The following CTU2 variants were observed in gnomAD, a reference collection of about 807,000 sequenced individuals.
CTU2 encodes the protein cytosolic thiouridylase subunit 2.
In CTU2, 80 loss-of-function variants were observed where a neutral mutation model predicts 64.1. The ratio of observed to expected loss-of-function variants is 1.25; its 90% CI spans 1.04 to 1.50. CTU2 has a LOEUF of 1.50. Ranked by LOEUF, CTU2 falls within the 40% of genes most tolerant of loss-of-function variation. The pLI is 0.00. For synonymous variants in CTU2, 482 were observed against 285.3 expected (o/e 1.69, Z -6.95); for missense variants, 1,110 against 690.2 (o/e 1.61, Z -6.81).
In CTU2 at chr16:88,712,393, C is replaced by A; in HGVS notation, c.453+10C>A. 6.3e-7 allele frequency: 1 copy of A among 1,589,246 alleles called. No individual in the cohort carries two copies. On this transcript the variant is annotated intron_variant, in intron 6 of 14. Coordinates refer to ENST00000453996, the MANE Select transcript of CTU2 (RefSeq NM_001012759.3). ...GGTGGCCTTAGAGGAGGTGGGAGGG[C>A]TGTCCCTGGAAAGGGGTCCCGGAGG...
intron 4 of CTU2, 197 bp downstream of exon 4, chr16:88,710,479 G>A: frequency 1.7e-6 from 1 of 590,962 alleles, no homozygotes; most frequent in South Asian, 2.1e-5. Context: ...TGTGTGTGCG[G>A]CCCACTCTCA....
Position 88,710,017 on chromosome 16 carries a change from G to A in CTU2, c.222+1G>A. On this transcript the variant is annotated splice_donor_variant, in intron 3 of 14. Transcript: ENST00000453996. LOFTEE classifies it high-confidence loss of function. ...CCGGCTCATCTTTCCAGGCGAGAAG[G>A]TAGCGTCTGGGTCCTGGGGGTCTGA... 1 of 1,613,834 alleles carries A rather than the reference G, an allele frequency of 6.2e-7. No homozygotes were observed. Among genetic ancestry groups the A allele is most frequent in the Non-Finnish European group, 8.5e-7 (1 of 1,179,946 alleles).
At chr16:88,709,751 C>T in intron 2 of CTU2, 187 bp from the exon 3 acceptor site, 1 of 612,152 alleles carries the variant, frequency 1.6e-6, no homozygotes, top group Admixed American at 2.9e-5. Flanking sequence ...TCGTGTTCAC[C>T]CTGAGGAAGC....
chr16:88,714,140 C>T lies in CTU2; in HGVS notation c.1010C>T (p.Pro337Leu), dbSNP rs779893329. ...VFTPAVDTKA[P>L]EKASIHRLME... ...CTCCAATCTGATTGTCCCTAGGCCC[C>T]TGAAAAGGCCAGCATCCACCGGCTG... The change falls in exon 10 of 15, where the codon CCT becomes CTT. Residue 337 changes from proline (P) to leucine (L), a missense_variant. Coordinates refer to ENST00000453996, the MANE Select transcript of CTU2 (RefSeq NM_001012759.3). The T allele has an allele frequency of 6.2e-7, 1 of 1,612,626 alleles. No individual in the cohort carries two copies. The highest frequency in any genetic ancestry group is 1.1e-5 in the South Asian group (1 of 91,078).
rs543146494 is a variant in CTU2, at chr16:88,707,530, T to C, written c.143+320T>C. On this transcript the variant is annotated intron_variant, in intron 2 of 14. Coordinates refer to ENST00000453996, the MANE Select transcript of CTU2 (RefSeq NM_001012759.3). ...ACCAGGCGTTTGGGGGCAGCTGGAATACATCTAGGGGCGGATCAGAGCATC... is the reference window on the plus strand; with the variant it reads ...ACCAGGCGTTTGGGGGCAGCTGGAACACATCTAGGGGCGGATCAGAGCATC... Among the ~76,000 whole-genome samples the C allele has an allele frequency of 2.0e-5, 3 of 152,164 alleles. No homozygotes were observed. In the East Asian group the frequency reaches 5.8e-4, roughly 29 times the overall value.
In CTU2 at chr16:88,714,906, C is replaced by T. The variant is rs139862860; in HGVS notation, c.1399C>T (p.Arg467Cys). 1.0e-3 allele frequency: 1,633 copies of T among 1,612,632 alleles called. 2 individuals carry two copies. The highest frequency in any genetic ancestry group is 3.0e-3 in the Middle Eastern group (18 of 6,048). Residue 467 changes from arginine to cysteine, a missense_variant, in exon 13 of 15, where the codon CGC (arginine) becomes TGC (cysteine). Physicochemically the swap from Arg to Cys is radical, Grantham distance 180. Coordinates refer to ENST00000453996, the MANE Select transcript of CTU2 (RefSeq NM_001012759.3). ...CIEEQLCYSC[R>C]VNMKDLPSLD... ...TGAGGAGCAGCTGTGCTACAGCTGC[C>T]GCGTGAACATGAAGGACTTGGTGAG... is the stretch of plus-strand genomic sequence containing the variant.
At chr16:88,706,979 G>T in intron 1 of CTU2, 157 bp from the exon 2 acceptor site, 2 of 710,276 alleles carry the variant, frequency 2.8e-6, no homozygotes, top group Non-Finnish European at 2.4e-6. Context: ...TTTTCTTGAA[G>T]TTTGGACAGA....
intron 6 of CTU2, 71 bp downstream of exon 6, chr16:88,712,454 C>T: frequency 6.9e-7 from 1 of 1,459,848 alleles, no homozygotes; most frequent in Non-Finnish European, 9.3e-7. Flanking sequence ...GTCCCAGCCT[C>T]ACTGGCCTCT....
rs1006762616 is a variant in CTU2 at position 88,706,537 on chromosome 16, C to G, written c.7C>G (p.Gln3Glu). ...GACGGGACCCGGCGTGCCCATGTGT[C>G]AGGTGGGCGAGGACTACGGGGAGCC... MC[Q>E]VGEDYGEPAP... Residue 3 changes from glutamine to glutamate, a missense_variant, in exon 1 of 15, where the codon CAG (glutamine) becomes GAG (glutamate). Coordinates refer to ENST00000453996, the MANE Select transcript of CTU2 (RefSeq NM_001012759.3). 5 of 1,456,406 alleles carry G rather than the reference C, an allele frequency of 3.4e-6. No individual in the cohort carries two copies. The East Asian group carries it at 1.2e-4, about 35-fold the overall frequency. The allele number at this position is 1,456,406 out of a possible 1,614,324, so 90.2% of individuals were successfully genotyped here.
chr16:88,715,382 AAAAAC>A lies in CTU2; in HGVS notation c.*132_*136del. The A allele has an allele frequency of 8.7e-7, 1 of 1,151,496 alleles. No homozygotes were observed. Among genetic ancestry groups the A allele is most frequent in the Non-Finnish European group, 1.2e-6 (1 of 831,352 alleles). 71.3% of individuals were successfully genotyped at this position (1,151,496 alleles called of 1,614,324 possible). ...AAATAAAACATTTTTTAATTAAAAAAAAAACTCTACAGTACACGTGGGGGACGGCA... is the reference window on the plus strand; with the variant it reads ...AAATAAAACATTTTTTAATTAAAAAATCTACAGTACACGTGGGGGACGGCA... On this transcript the variant is annotated 3_prime_UTR_variant, in exon 15 of 15. Coordinates refer to ENST00000453996, the MANE Select transcript of CTU2 (RefSeq NM_001012759.3).
At position 88,707,138 on chromosome 16, in the gene CTU2, G is replaced by C. The variant is rs747073309; in HGVS notation, c.71G>C (p.Arg24Pro). 6.2e-7 allele frequency: 1 copy of C among 1,613,744 alleles called. No homozygotes were observed. The highest frequency in any genetic ancestry group is 8.5e-7 in the Non-Finnish European group (1 of 1,179,848). The change falls in exon 2 of 15, where the codon CGT becomes CCT. Residue 24 changes from arginine (R) to proline (P), a missense_variant and splice_region_variant. Arg to Pro is a moderately radical substitution (Grantham distance 103). Coordinates refer to ENST00000453996, the MANE Select transcript of CTU2 (RefSeq NM_001012759.3). ...EEPPPAPRPS[R>P]EQKCVKCKEA... Reference sequence around the variant, plus strand: ...TCTCCCCCCTCCCATCTCCAAAGCCGTGAGCAGAAGTGTGTGAAGTGCAAG... The same window carrying C: ...TCTCCCCCCTCCCATCTCCAAAGCCCTGAGCAGAAGTGTGTGAAGTGCAAG...
At chr16:88,712,507 C>T in intron 6 of CTU2, 115 bp from the exon 7 acceptor site, 4 of 1,475,818 alleles carry the variant, frequency 2.7e-6, no homozygotes, top group East Asian at 4.6e-5. Context: ...GGGTGGGAGG[C>T]ACCTGCCCGT....
At position 88,712,229 on chromosome 16, in the gene CTU2, C is replaced by CT. The variant is rs1185745158; in HGVS notation, c.344-44dup. 4.0e-6 allele frequency: 6 copies of CT among 1,513,110 alleles called. No homozygotes were observed. The African/African-American group carries it at 8.3e-5, about 21-fold the overall frequency. The allele number at this position is 1,513,110 out of a possible 1,614,324, so 93.7% of individuals were successfully genotyped here. A position where few individuals can be genotyped will look rare whatever the true frequency, so the allele number is the denominator to read the frequency against. On this transcript the variant is annotated intron_variant, in intron 5 of 14. Coordinates refer to ENST00000453996, the MANE Select transcript of CTU2 (RefSeq NM_001012759.3). ...GAGGTGGCCCTGCAGCCTGCCCTGC[C>CT]TGGCTCCTCTCTGAGCCCTGACTCT...
At chr16:88,715,010 C>A in intron 13 of CTU2, 38 bp from the exon 14 acceptor site, 1 of 1,589,552 alleles carries the variant, frequency 6.3e-7, no homozygotes. Context: ...GGGGTGCTGG[C>A]AGGTTTCTTG....
chr16:88,713,866 C>G, intron 9 of CTU2, 88 bp downstream of exon 9: 3 of 1,535,862 alleles, frequency 2.0e-6, no homozygotes, highest in South Asian at 2.4e-5. Context: ...GCTCAGGTCA[C>G]CAGCACACCT....
chr16:88,707,778 AGTG>A (rs1910999010), intron 2 of CTU2, among the ~76,000 whole-genome samples: 1 of 148,568 alleles, frequency 6.7e-6, no homozygotes, highest in Non-Finnish European at 1.5e-5. Flanking sequence ...CTTAATTCCC[AGTG>A]GTGGTGCGTG....
In CTU2 at chr16:88,714,461, G is replaced by T. The variant is rs781592397; in HGVS notation, c.1176G>T (p.Met392Ile). The T allele has an allele frequency of 1.4e-5, 23 of 1,612,506 alleles. No homozygotes were observed. The East Asian group carries it at 4.9e-4, about 34-fold the overall frequency. The change falls in exon 11 of 15, where the codon ATG (methionine) becomes ATT (isoleucine). Residue 392 changes from methionine (M) to isoleucine (I), a missense_variant. Transcript: ENST00000453996. ...GDSGPRCLLCMCALDVDAADS... is the reference protein window; with the variant it reads ...GDSGPRCLLCICALDVDAADS... ...CCGGCCCCCGCTGCCTCCTCTGCATGTGTGCCCTGGACGTCGACGCCGCTG... is the reference window on the plus strand; with the variant it reads ...CCGGCCCCCGCTGCCTCCTCTGCATTTGTGCCCTGGACGTCGACGCCGCTG...
chr16:88,715,342 A>T lies in CTU2; in HGVS notation c.*91A>T. 3 of 1,322,520 alleles carry T rather than the reference A, an allele frequency of 2.3e-6. No individual in the cohort carries two copies. Among genetic ancestry groups the T allele is most frequent in the South Asian group, 1.3e-5 (1 of 77,428 alleles). 81.9% of individuals were successfully genotyped at this position (1,322,520 alleles called of 1,614,324 possible). On this transcript the variant is annotated 3_prime_UTR_variant, in exon 15 of 15. Transcript: ENST00000453996. ...GGCAAGGACGGGGGACTGGCCTCTG[A>T]TTGTCCATTTGTATAAATAAAACAT... is the stretch of plus-strand genomic sequence containing the variant.
At chr16:88,708,066 G>C (rs58797132) in intron 2 of CTU2, among the ~76,000 whole-genome samples, 1 of 152,046 alleles carries the variant, frequency 6.6e-6, no homozygotes, top group African/African-American at 2.4e-5. Context: ...CACCTGCCTC[G>C]GCCTCCCAAA....
Sources: gnomAD v4.1 joint callset for allele counts (sites outside exome capture counted in the v4.1 genomes callset) on GRCh38, gnomAD v4.1.1 for gene constraint, MANE v1.5 for transcripts, NCBI Gene and HGNC (gene_info 2026-07-23, HGNC 2026-07-21) for gene names.